The following HDAC9 variants were observed in gnomAD, a reference collection of about 807,000 sequenced individuals.
The protein encoded by HDAC9 is histone deacetylase 9, also known as MEF-2 interacting transcription repressor (MITR) protein.
Under a neutral mutation model 139.4 loss-of-function variants are expected in HDAC9, and 41 were observed. That is an observed-to-expected ratio of 0.29 (90% CI 0.23 to 0.38). The LOEUF (loss-of-function observed/expected upper bound fraction) is 0.38. Ranked by LOEUF, HDAC9 falls within the 10% of genes least tolerant of loss-of-function variation. The pLI is 1.00. For synonymous variants in HDAC9, 517 were observed against 476.2 expected, an observed-to-expected ratio of 1.09 and a Z score of -1.12; for missense variants, 1,147 against 1,297.0, an observed-to-expected ratio of 0.88 and a Z score of 1.78.
chr7:18,877,110 G>C (rs180734396), intron 22 of HDAC9, among the ~76,000 whole-genome samples: 1 of 152,224 alleles, frequency 6.6e-6, no homozygotes, highest in African/African-American at 2.4e-5. Context: ...TGATACTTAA[G>C]TGAAACACAA....
chr7:18,813,339 G>C (rs1794326547), intron 17 of HDAC9, among the ~76,000 whole-genome samples: 1 of 152,022 alleles, frequency 6.6e-6, no homozygotes, highest in South Asian at 2.1e-4. Flanking sequence ...ATGCTTCTCT[G>C]GGGCTTCTTT....
At chr7:18,792,267 T>TAAA (rs79869842) in intron 16 of HDAC9, among the ~76,000 whole-genome samples, 1 of 141,346 alleles carries the variant, frequency 7.1e-6, no homozygotes, top group African/African-American at 2.7e-5. Flanking sequence ...CTTTTTTTTT[T>TAAA]AAAAAAAAAA....
At chr7:18,973,762 A>C (rs975480969) in intron 24 of HDAC9, among the ~76,000 whole-genome samples, 7 of 152,150 alleles carry the variant, frequency 4.6e-5, no homozygotes, top group African/African-American at 1.7e-4. Flanking sequence ...AATCTCTCTT[A>C]GTGTCTTCTC....
Position 18,339,436 on chromosome 7 carries a change from C to A in HDAC9, c.-42+48921C>A, listed in dbSNP as rs1348458317. On this transcript the variant is annotated intron_variant, in intron 1 of 3. Coordinates refer to the HDAC9 transcript ENST00000413509. ...TTTCCCCTAAGTTCTATTTTAGCAG[C>A]AATCTGCAGATTTTGATATGTTTTC... is the stretch of plus-strand genomic sequence containing the variant. Among the ~76,000 whole-genome samples, 3 of 151,354 alleles carry A rather than the reference C, an allele frequency of 2.0e-5. No individual in the cohort carries two copies. In the South Asian group the frequency reaches 6.2e-4, roughly 31 times the overall value.
At chr7:18,134,624 C>T (rs948484796) in intron 1 of HDAC9, among the ~76,000 whole-genome samples, 3 of 152,168 alleles carry the variant, frequency 2.0e-5, no homozygotes, top group Non-Finnish European at 4.4e-5. Context: ...AACATTATTA[C>T]TCATTCTTAA....
At chr7:18,899,067 G>A (rs143279399) in intron 22 of HDAC9, among the ~76,000 whole-genome samples, 2 of 152,084 alleles carry the variant, frequency 1.3e-5, no homozygotes, top group African/African-American at 4.8e-5. Context: ...TATGGCTTAG[G>A]TTTTGGAATC....
chr7:18,139,951 G>A (rs958703559), intron 1 of HDAC9, among the ~76,000 whole-genome samples: 4 of 152,144 alleles, frequency 2.6e-5, no homozygotes, highest in Admixed American at 6.5e-5. Flanking sequence ...ACTGATGTGG[G>A]ACTTCTGTCC....
At chr7:18,086,831 T>G (rs1195580775), upstream of HDAC9, 2 of 150,236 alleles carry the variant, frequency 1.3e-5, no homozygotes, top group Non-Finnish European at 3.0e-5. Context: ...TTTTAGCAAA[T>G]TCTCCGCGCG....
intron 5 of HDAC9, 33 bp downstream of exon 5, chr7:18,591,675 G>T: frequency 6.2e-7 from 1 of 1,608,486 alleles, no homozygotes; most frequent in South Asian, 1.1e-5. Flanking sequence ...TTCATTCCTG[G>T]GGTAAAGAAC....
chr7:18,870,305 C>G (rs1444261341), intron 21 of HDAC9, among the ~76,000 whole-genome samples: 1 of 152,174 alleles, frequency 6.6e-6, no homozygotes, highest in African/African-American at 2.4e-5. Flanking sequence ...CAATCTGTAG[C>G]AAGTCCTTAA....
chr7:18,295,326 C>T (rs1798072870), intron 1 of HDAC9, among the ~76,000 whole-genome samples: 1 of 151,980 alleles, frequency 6.6e-6, no homozygotes, highest in Non-Finnish European at 1.5e-5. Flanking sequence ...AGTGATTATC[C>T]ATGTCAAATG....
chr7:18,648,501 A>G lies in HDAC9; in HGVS notation c.1285A>G (p.Thr429Ala), dbSNP rs559243365. 1 of 1,613,466 alleles carries G rather than the reference A, an allele frequency of 6.2e-7. No individual in the cohort carries two copies. Among genetic ancestry groups the G allele is most frequent in the Non-Finnish European group, 8.5e-7 (1 of 1,179,736 alleles). The change falls in exon 11 of 26, where the codon ACA becomes GCA. Residue 429 changes from threonine (T) to alanine (A), a missense_variant. Transcript: ENST00000686413. The part of the protein sequence containing the change: ...VPLHPQSPLA[T>A]KERISPGIRG... The stretch of plus-strand genomic sequence containing the variant: ...CTTACATCCTCAGTCTCCCTTGGCA[A>G]CAAAAGAGAGAATTTCACCTGGCAT...
chr7:18,878,376 GAGATGATAGC>G (rs879471199), intron 22 of HDAC9, among the ~76,000 whole-genome samples: 1,550 of 152,238 alleles, frequency 0.01, 1 homozygote, highest in South Asian at 0.018. Context: ...AAATCATTGT[GAGATGATAGC>G]CATATCTGAT....
chr7:18,261,475 C>G (rs561591718), intron 2 of HDAC9, among the ~76,000 whole-genome samples: 1 of 152,154 alleles, frequency 6.6e-6, no homozygotes, highest in South Asian at 2.1e-4. Context: ...CAGTTCAGTC[C>G]ATTGGGCCAG....
chr7:18,895,622 G>C (rs1398647607), intron 22 of HDAC9, among the ~76,000 whole-genome samples: 1 of 151,980 alleles, frequency 6.6e-6, no homozygotes, highest in Non-Finnish European at 1.5e-5. Context: ...TTGAATATGA[G>C]TGTTATCTTT....
rs12531821 is a variant in HDAC9 at position 18,480,084 on chromosome 7, G to T, written c.-41-16178G>T. ...TAGTCTGCTGCCAACGAACTTTTTA[G>T]AATTTTTTTCTGAGATAAAAGTAAA... is the stretch of plus-strand genomic sequence containing the variant. On this transcript the variant is annotated intron_variant, in intron 1 of 3. Transcript: ENST00000413509. 2.0e-3 allele frequency among the ~76,000 whole-genome samples: 275 copies of T among 138,138 alleles called. 9 individuals are homozygous for T. In the East Asian group the frequency reaches 0.048, roughly 24 times the overall value. 90.6% of individuals were successfully genotyped at this position (138,138 alleles called of 152,430 possible).
intron 2 of HDAC9, among the ~76,000 whole-genome samples, chr7:18,259,660 C>T (rs557535185): frequency 3.6e-4 from 55 of 152,306 alleles, no homozygotes; most frequent in Non-Finnish European, 7.1e-4. Flanking sequence ...CCATCATGCC[C>T]GGCCAACAAG....
At chr7:18,977,341 T>A (rs759707548) in intron 25 of HDAC9, among the ~76,000 whole-genome samples, 1 of 152,202 alleles carries the variant, frequency 6.6e-6, no homozygotes, top group African/African-American at 2.4e-5. Flanking sequence ...TAACATCTGT[T>A]AGTGTTGGAT....
intron 22 of HDAC9, among the ~76,000 whole-genome samples, chr7:18,905,672 G>T (rs1802168781): frequency 1.3e-5 from 2 of 152,158 alleles, no homozygotes; most frequent in African/African-American, 4.8e-5. Context: ...TTTATTGTAT[G>T]CAGGGAAATG....
Sources: allele counts gnomAD v4.1 joint callset (sites outside exome capture counted in the v4.1 genomes callset), GRCh38; gene constraint gnomAD v4.1.1; transcripts MANE v1.5; gene names NCBI Gene and HGNC (gene_info 2026-07-23, HGNC 2026-07-21).